Variants in SNX25 observed in about 807,000 individuals in gnomAD.
SNX25 encodes the protein sorting nexin-25.
In SNX25, 62 loss-of-function variants were observed where a neutral mutation model predicts 113.7. The observed-to-expected ratio is 0.55, with a 90% confidence interval of 0.44 to 0.67. SNX25 has a LOEUF of 0.67. Ranked by LOEUF, SNX25 falls within the 30% of genes least tolerant of loss-of-function variation. The pLI is 0.00. For missense variants in SNX25, 1,014 were observed against 1,161.0 expected (o/e 0.87, Z 1.84); for synonymous variants, 421 against 436.2 (o/e 0.97, Z 0.43).
intron 15 of SNX25, among the ~76,000 whole-genome samples, chr4:185,354,790 A>G (rs145812734): frequency 6.2e-4 from 94 of 152,350 alleles, no homozygotes; most frequent in African/African-American, 2.2e-3. Flanking sequence ...CTAAATCTTG[A>G]CACCAGTAGA....
intron 5 of SNX25, among the ~76,000 whole-genome samples, chr4:185,267,908 AAG>A (rs1385212262): frequency 6.6e-6 from 1 of 152,174 alleles, no homozygotes; most frequent in Admixed American, 6.5e-5. Context: ...GAAAACCAGA[AAG>A]AGAAAATATA....
At position 185,342,037 on chromosome 4, in the gene SNX25, T is replaced by C; in HGVS notation, c.2108T>C (p.Val703Ala). 6.2e-7 allele frequency: 1 copy of C among 1,611,144 alleles called. No individual in the cohort carries two copies. The highest frequency in any genetic ancestry group is 8.5e-7 in the Non-Finnish European group (1 of 1,178,848). ...TTTGTCATGGTAAGCCTACAAGAAGTTGGAGGAGTTGAAACTAAGAACTGG... is the reference window on the plus strand; with the variant it reads ...TTTGTCATGGTAAGCCTACAAGAAGCTGGAGGAGTTGAAACTAAGAACTGG... ...CYFVMVSLQE[V>A]GGVETKNWTV... Residue 703 changes from valine (V) to alanine (A), a missense_variant, in exon 12 of 19, where the codon GTT becomes GCT. Transcript: ENST00000652585.
chr4:185,374,159 G>A, downstream of SNX25: 1 of 1,614,058 alleles, frequency 6.2e-7, no homozygotes, highest in South Asian at 1.1e-5. Flanking sequence ...TGGGCTCCTT[G>A]GTTGAGTAAT....
chr4:185,328,950 G>A (rs562613875), intron 9 of SNX25, among the ~76,000 whole-genome samples: 6 of 152,104 alleles, frequency 3.9e-5, no homozygotes, highest in African/African-American at 7.2e-5. Context: ...ATGAGAATAC[G>A]GAGGGGGTTC....
At chr4:185,240,573 C>A (rs1157419508) in intron 1 of SNX25, among the ~76,000 whole-genome samples, 1 of 149,738 alleles carries the variant, frequency 6.7e-6, no homozygotes, top group Non-Finnish European at 1.5e-5. Flanking sequence ...GGCAGAGGGG[C>A]TCCTCACTTC....
At chr4:185,310,948 C>T (rs1755156981) in intron 7 of SNX25, 132 bp downstream of exon 7, 4 of 875,812 alleles carry the variant, frequency 4.6e-6, no homozygotes, top group Non-Finnish European at 5.1e-6. Context: ...CTGACATTTG[C>T]TCTATGAGTC....
At chr4:185,302,523 T>C (rs555501437) in intron 6 of SNX25, among the ~76,000 whole-genome samples, 1 of 152,258 alleles carries the variant, frequency 6.6e-6, no homozygotes, top group South Asian at 2.1e-4. Context: ...GTCACAGAAG[T>C]CTTTGGTATT....
intron 1 of SNX25, among the ~76,000 whole-genome samples, chr4:185,211,306 A>G (rs1256897867): frequency 6.6e-6 from 1 of 152,222 alleles, no homozygotes; most frequent in Admixed American, 6.5e-5. Context: ...CATTTCGCTC[A>G]GTAGGCTGAT....
At chr4:185,330,341 T>A (rs1286821920) in intron 9 of SNX25, among the ~76,000 whole-genome samples, 1 of 152,054 alleles carries the variant, frequency 6.6e-6, no homozygotes, top group East Asian at 1.9e-4. Flanking sequence ...TATCTTAGGG[T>A]TGGAATGTTT....
intron 15 of SNX25, among the ~76,000 whole-genome samples, chr4:185,355,926 G>C (rs1232304988): frequency 6.6e-6 from 1 of 152,252 alleles, no homozygotes; most frequent in East Asian, 1.9e-4. Context: ...GTCAGAGCCA[G>C]TATCAGCTGG....
intron 7 of SNX25, among the ~76,000 whole-genome samples, chr4:185,311,851 G>A (rs1488082163): frequency 6.6e-6 from 1 of 152,166 alleles, no homozygotes; most frequent in Non-Finnish European, 1.5e-5. Flanking sequence ...ATACGCCAGG[G>A]TTCTACAGCA....
chr4:185,370,780 T>A, downstream of SNX25: 1 of 1,614,084 alleles, frequency 6.2e-7, no homozygotes, highest in Non-Finnish European at 8.5e-7. Flanking sequence ...TGGGCGATCA[T>A]GGGGATGTCG....
chr4:185,271,171 C>G (rs1748871590), intron 5 of SNX25, among the ~76,000 whole-genome samples: 1 of 152,180 alleles, frequency 6.6e-6, no homozygotes, highest in Admixed American at 6.5e-5. Context: ...GTATATTCCT[C>G]TGTCTTCCTT....
At chr4:185,350,000 G>A (rs10030392) in intron 13 of SNX25, among the ~76,000 whole-genome samples, 48,083 of 152,090 alleles carry the variant, frequency 0.32, 9,159 homozygotes, top group African/African-American at 0.54. Context: ...AAAAACGAAT[G>A]AAGACTGTCT....
intron 6 of SNX25, among the ~76,000 whole-genome samples, chr4:185,297,374 T>A (rs1752982418): frequency 6.6e-6 from 1 of 152,210 alleles, no homozygotes; most frequent in South Asian, 2.1e-4. Flanking sequence ...CTTATCTGTA[T>A]GCTGAAGACT....
At chr4:185,306,328 T>A (rs1179481131) in intron 6 of SNX25, among the ~76,000 whole-genome samples, 2 of 152,258 alleles carry the variant, frequency 1.3e-5, no homozygotes, top group African/African-American at 4.8e-5. Context: ...GCTGTTGCAT[T>A]TGTTAGCAAC....
At chr4:185,290,275 G>C (rs1751956908) in intron 6 of SNX25, among the ~76,000 whole-genome samples, 1 of 152,218 alleles carries the variant, frequency 6.6e-6, no homozygotes. Flanking sequence ...TAACAGTTAT[G>C]TTACAGACAT....
chr4:185,290,324 G>A (rs550947096), intron 6 of SNX25, among the ~76,000 whole-genome samples: 8 of 152,264 alleles, frequency 5.3e-5, no homozygotes, highest in South Asian at 2.1e-4. Context: ...TGTGTTTTCC[G>A]TCTAAGCTGT....
chr4:185,308,053 C>T (rs929720945), intron 6 of SNX25, among the ~76,000 whole-genome samples: 3 of 152,326 alleles, frequency 2.0e-5, no homozygotes, highest in Non-Finnish European at 4.4e-5. Context: ...GCCACCACGC[C>T]GGGCCCACAC....
Sources: gnomAD v4.1 joint callset for allele counts (sites outside exome capture counted in the v4.1 genomes callset) on GRCh38, gnomAD v4.1.1 for gene constraint, MANE v1.5 for transcripts, NCBI Gene and HGNC (gene_info 2026-07-23, HGNC 2026-07-21) for gene names.